Variants in MED25 observed in about 807,000 individuals in gnomAD.
MED25 encodes mediator of RNA polymerase II transcription subunit 25.
In MED25, 62 loss-of-function variants were observed where a neutral mutation model predicts 89.4. The ratio of observed to expected loss-of-function variants is 0.69; its 90% CI spans 0.57 to 0.86. The LOEUF is 0.86. Among genes scored for constraint, MED25 ranks in the 40% least tolerant of loss-of-function variants. The probability of loss-of-function intolerance (pLI) is 0.00; values close to 1 mark genes in which losing one functional copy is unlikely to be tolerated. For missense variants in MED25, 905 were observed against 1,005.2 expected, an observed-to-expected ratio of 0.90 and a Z score of 1.35; for synonymous variants, 449 against 427.9, an observed-to-expected ratio of 1.05 and a Z score of -0.61.
In MED25 at chr19:49,831,822, G is replaced by GGACTTAAA; in HGVS notation, c.1231-113_1231-106dup. ...CTGGAGGAGGGGCCTGGGGCTCATG[G>GGACTTAAA]GACTTAAACTGGGGAACATCCTGAG... On this transcript the variant is annotated intron_variant, in intron 10 of 17. Coordinates refer to ENST00000312865, the MANE Select transcript of MED25 (RefSeq NM_030973.4). This position sits in a 1 kb window ranked among gnomAD's most constrained non-coding sequence, Gnocchi z 5.0. 1 of 975,648 alleles carries GGACTTAAA rather than the reference G, an allele frequency of 1.0e-6. No individual in the cohort carries two copies. Among genetic ancestry groups the GGACTTAAA allele is most frequent in the East Asian group, 2.5e-5 (1 of 39,604 alleles). 60.4% of individuals were successfully genotyped at this position (975,648 alleles called of 1,614,324 possible).
At chr19:49,825,149 C>G (rs922913594) in intron 3 of MED25, among the ~76,000 whole-genome samples, 4 of 152,184 alleles carry the variant, frequency 2.6e-5, no homozygotes, top group Non-Finnish European at 4.4e-5. Flanking sequence ...GCCCTTTGAG[C>G]TTGTAGCACA....
At position 49,831,195 on chromosome 19, in the gene MED25, G is replaced by T. The variant is rs530509303; in HGVS notation, c.1102-138G>T. ...AAGGTCCAAGCATTTGGGGTCCTGC[G>T]GCTGGCCAAGTGCTGTTCTGGGGAT... On this transcript the variant is annotated intron_variant, in intron 9 of 17. Transcript: ENST00000312865. The surrounding 1 kb of genome is among the most constrained non-coding windows in gnomAD (Gnocchi z 5.0). 27 of 953,140 alleles carry T rather than the reference G, an allele frequency of 2.8e-5. No individual in the cohort carries two copies. In the East Asian group the frequency reaches 6.6e-4, roughly 23 times the overall value. 59.0% of individuals were successfully genotyped at this position (953,140 alleles called of 1,614,324 possible). A position where few individuals can be genotyped will look rare whatever the true frequency, so the allele number is the denominator to read the frequency against.
downstream of MED25, chr19:49,839,093 C>T (rs879138885): frequency 3.4e-6 from 1 of 290,546 alleles, no homozygotes; most frequent in Non-Finnish European, 6.7e-6. Flanking sequence ...GTGGCCTTTT[C>T]TTTCGCTGCT....
rs371345977 is a variant in MED25, at chr19:49,821,569, C to A, written c.305+2273C>A. 4.0e-5 allele frequency among the ~76,000 whole-genome samples: 6 copies of A among 151,492 alleles called. No homozygotes were observed. In the South Asian group the frequency reaches 1.2e-3, roughly 32 times the overall value. Reference sequence around the variant, plus strand: ...ATCACCTGAGGTCAGGAGTTCGAGACCAGCCTGTCCAACATGGTGAAACCC... The same window carrying A: ...ATCACCTGAGGTCAGGAGTTCGAGAACAGCCTGTCCAACATGGTGAAACCC... On this transcript the variant is annotated intron_variant, in intron 3 of 17. Coordinates refer to ENST00000312865, the MANE Select transcript of MED25 (RefSeq NM_030973.4).
chr19:49,821,313 A>G (rs1480311550), intron 3 of MED25, among the ~76,000 whole-genome samples: 1 of 152,042 alleles, frequency 6.6e-6, no homozygotes. Context: ...GAAGGGTCTC[A>G]CTCTGTCACG....
Position 49,835,265 on chromosome 19 carries a change from C to T in MED25, c.1674+88C>T. ...CCCTGGGGTCTCCAGGACCAAGATGCCCACCCTTCTCCCAATATGTGGTGC... is the reference window on the plus strand; with the variant it reads ...CCCTGGGGTCTCCAGGACCAAGATGTCCACCCTTCTCCCAATATGTGGTGC... On this transcript the variant is annotated intron_variant, in intron 14 of 17. Transcript: ENST00000312865. The surrounding 1 kb of genome is among the most constrained non-coding windows in gnomAD (Gnocchi z 6.2). 1 of 1,390,240 alleles carries T rather than the reference C, an allele frequency of 7.2e-7. No homozygotes were observed. The highest frequency in any genetic ancestry group is 1.0e-6 in the Non-Finnish European group (1 of 977,542). The allele number at this position is 1,390,240 out of a possible 1,614,324, so 86.1% of individuals were successfully genotyped here. A position where few individuals can be genotyped will look rare whatever the true frequency, so the allele number is the denominator to read the frequency against.
chr19:49,837,117 C>A, downstream of MED25: 1 of 677,336 alleles, frequency 1.5e-6, no homozygotes, highest in Non-Finnish European at 2.7e-6. Flanking sequence ...TGGTGAGTCA[C>A]AGGCAGTCTG....
At chr19:49,819,002 C>T (rs1341245187) in intron 2 of MED25, 170 bp from the exon 3 acceptor site, 10 of 830,096 alleles carry the variant, frequency 1.2e-5, no homozygotes, top group Non-Finnish European at 1.7e-5. Context: ...GGCCTGGATT[C>T]CTGGGTCTGA....
At chr19:49,825,317 C>T (rs2123871310) in intron 3 of MED25, among the ~76,000 whole-genome samples, 1 of 152,168 alleles carries the variant, frequency 6.6e-6, no homozygotes, top group East Asian at 2.0e-4. Flanking sequence ...GGCATGATCT[C>T]AGCTCACTAC....
rs1168144652 is a variant in MED25 at position 49,836,403 on chromosome 19, C to A, written c.2143C>A (p.Pro715Thr). The A allele has an allele frequency of 3.1e-6, 5 of 1,591,094 alleles. No homozygotes were observed. Among genetic ancestry groups the A allele is most frequent in the African/African-American group, 2.7e-5 (2 of 74,342 alleles). ...ACAACTTCCCCCTCGGGCTCCACTGCCAGGTAAGGGGACCCGGGGGAGGGC... is the reference window on the plus strand; with the variant it reads ...ACAACTTCCCCCTCGGGCTCCACTGACAGGTAAGGGGACCCGGGGGAGGGC... The part of the protein sequence containing the change: ...PAQLPPRAPL[P>T]GQMLLSGGPR... Residue 715 changes from proline to threonine, a missense_variant, in exon 17 of 18, where the codon CCA becomes ACA. By Grantham distance (38) the Pro-to-Thr change is conservative. This residue lies in a region of MED25 where 271 missense variants were observed against 258.1 expected (regional missense o/e 1.05). Coordinates refer to ENST00000312865, the MANE Select transcript of MED25 (RefSeq NM_030973.4). The surrounding 1 kb of genome is among the most constrained non-coding windows in gnomAD (Gnocchi z 5.1).
At chr19:49,840,234 T>C (rs1218536782), downstream of MED25, 1 of 152,192 alleles carries the variant, frequency 6.6e-6, no homozygotes, top group East Asian at 1.9e-4. Flanking sequence ...AAAAGAATTA[T>C]GAAAGAGAAA....
Position 49,830,742 on chromosome 19 carries a change from C to A in MED25, c.956C>A (p.Pro319His), listed in dbSNP as rs139822988. ...LQQAAPGVGP[P>H]FSQAPAPQLP... The stretch of plus-strand genomic sequence containing the variant: ...CAAGCTGCTCCCGGAGTGGGTCCCC[C>A]CTTCAGCCAGGCCCCAGCTCCCCAA... The change falls in exon 9 of 18, where the codon CCC becomes CAC. Residue 319 changes from proline (P) to histidine (H), a missense_variant. Physicochemically the swap from Pro to His is moderately conservative, Grantham distance 77. Transcript: ENST00000312865. The surrounding 1 kb of genome is among the most constrained non-coding windows in gnomAD (Gnocchi z 4.6). 3.7e-6 allele frequency: 6 copies of A among 1,613,728 alleles called. No individual in the cohort carries two copies. The highest frequency in any genetic ancestry group is 5.1e-6 in the Non-Finnish European group (6 of 1,179,892).
At position 49,835,103 on chromosome 19, in the gene MED25, G is replaced by A; in HGVS notation, c.1600G>A (p.Val534Ile). 1.9e-6 allele frequency: 3 copies of A among 1,614,080 alleles called. No individual in the cohort carries two copies. The highest frequency in any genetic ancestry group is 1.7e-6 in the Non-Finnish European group (2 of 1,180,012). ...CATCCCCTACGACCAGAGCGGCTTCGTCAACGGCATCCGGCAGGTCATCAC... is the reference window on the plus strand; with the variant it reads ...CATCCCCTACGACCAGAGCGGCTTCATCAACGGCATCCGGCAGGTCATCAC... ...GLIPYDQSGF[V>I]NGIRQVITNH... is the part of the protein sequence containing the mutation. Residue 534 changes from valine to isoleucine, a missense_variant, in exon 14 of 18, where the codon GTC (valine) becomes ATC (isoleucine). Around this residue, in one of 3 missense-constraint regions of MED25, gnomAD observed 133 missense variants for 220.2 expected, o/e 0.60. Coordinates refer to ENST00000312865, the MANE Select transcript of MED25 (RefSeq NM_030973.4). This position sits in a 1 kb window ranked among gnomAD's most constrained non-coding sequence, Gnocchi z 6.2.
Position 49,835,793 on chromosome 19 carries a change from CCCCAGCCCCAAGGTACTG to C in MED25, c.1823_1840del (p.Gln608_Pro613del), listed in dbSNP as rs751993471. On this transcript the variant is annotated inframe_deletion, in exon 16 of 18. Transcript: ENST00000312865. This position sits in a 1 kb window ranked among gnomAD's most constrained non-coding sequence, Gnocchi z 6.2. ...AGGGGCCTCTGGGGCCACGGGGCAGCCCCAGCCCCAAGGTACTGCCCAGCCCCCGCCAGGTGCCCCTCA... is the reference window on the plus strand; with the variant it reads ...AGGGGCCTCTGGGGCCACGGGGCAGCCCCAGCCCCCGCCAGGTGCCCCTCA... 2 of 1,606,038 alleles carry C rather than the reference CCCCAGCCCCAAGGTACTG, an allele frequency of 1.2e-6. No individual in the cohort carries two copies. The highest frequency in any genetic ancestry group is 1.7e-6 in the Non-Finnish European group (2 of 1,174,638).
downstream of MED25, chr19:49,840,072 C>T (rs142773379): frequency 1.0e-3 from 152 of 152,270 alleles, no homozygotes; most frequent in African/African-American, 3.5e-3. Flanking sequence ...TTTTCCGTTA[C>T]GAACCTGAAT....
In MED25 at chr19:49,834,094, C is replaced by G. The variant is rs182429192; in HGVS notation, c.1483-892C>G. 2.3e-4 allele frequency: 35 copies of G among 152,392 alleles called. No homozygotes were observed. The highest frequency in any genetic ancestry group is 6.5e-4 in the African/African-American group (27 of 41,554). 9.4% of individuals were successfully genotyped at this position (152,392 alleles called of 1,614,324 possible). The stretch of plus-strand genomic sequence containing the variant: ...GGAAGGGGGCTGTGTGTTTCCCTTT[C>G]TTCAAGACAGCAGAAACTTTCTCAG... On this transcript the variant is annotated intron_variant, in intron 13 of 17. Coordinates refer to ENST00000312865, the MANE Select transcript of MED25 (RefSeq NM_030973.4). The surrounding 1 kb of genome is among the most constrained non-coding windows in gnomAD (Gnocchi z 4.1).
chr19:49,832,254 C>A, intron 12 of MED25, 54 bp from the exon 13 acceptor site: 1 of 1,518,064 alleles, frequency 6.6e-7, no homozygotes, highest in Non-Finnish European at 9.0e-7. Flanking sequence ...TGCCTCATGT[C>A]CCCGCCTCAC....
intron 3 of MED25, 82 bp from the exon 4 acceptor site, chr19:49,828,367 C>G: frequency 1.1e-6 from 1 of 939,426 alleles, no homozygotes; most frequent in Admixed American, 1.7e-5. Flanking sequence ...GAGTGGGGGA[C>G]AGCATGGGAG....
chr19:49,828,876 G>C lies in MED25; in HGVS notation c.405-94G>C, dbSNP rs145219190. The C allele has an allele frequency of 3.8e-6, 6 of 1,577,328 alleles. No individual in the cohort carries two copies. In the African/African-American group the frequency reaches 8.1e-5, roughly 21 times the overall value. Reference sequence around the variant, plus strand: ...GGGCGTTGCTTCTGATTCCATGTGAGGCGGAATATGTGCATCTCCGCTGGT... The same window carrying C: ...GGGCGTTGCTTCTGATTCCATGTGACGCGGAATATGTGCATCTCCGCTGGT... On this transcript the variant is annotated intron_variant, in intron 4 of 17. Transcript: ENST00000312865.
Sources: gnomAD v4.1 joint callset for allele counts (sites outside exome capture counted in the v4.1 genomes callset) on GRCh38, gnomAD v4.1.1 for gene constraint, gnomAD v4.1.1 regional missense constraint, Gnocchi (gnomAD v3.1) non-coding constraint, MANE v1.5 for transcripts, NCBI Gene and HGNC (gene_info 2026-07-23, HGNC 2026-07-21) for gene names.